SPDYE16: variants seen among roughly 807,000 people sequenced by gnomAD.
SPDYE16 encodes the protein speedy/RINGO cell cycle regulator family member E16.
A neutral mutation model predicts 40.1 loss-of-function variants in SPDYE16; 5 were observed. That is an observed-to-expected ratio of 0.12 (90% CI 0.07 to 0.26). The LOEUF is 0.26. Among genes scored for constraint, SPDYE16 ranks in the 10% least tolerant of loss-of-function variants. SPDYE16 has a pLI of 1.00. For missense variants in SPDYE16, 98 were observed against 409.8 expected (o/e 0.24, Z 6.57); for synonymous variants, 40 against 154.2 (o/e 0.26, Z 5.49).
At chr7:76,540,763 C>G (rs1813156005) in intron 2 of SPDYE16, among the ~76,000 whole-genome samples, 1 of 122,284 alleles carries the variant, frequency 8.2e-6, no homozygotes, top group Non-Finnish European at 1.6e-5. Context: ...ATGCCCAGCT[C>G]AATTTTGTAC....
intron 1 of SPDYE16, among the ~76,000 whole-genome samples, chr7:76,542,089 A>ACAAGAGTGAGATTATCATGTG (rs1584290412): frequency 7.2e-6 from 1 of 139,616 alleles, no homozygotes; most frequent in Non-Finnish European, 1.7e-5. Context: ...ATTATCATGT[A>ACAAGAGTGAGATTATCATGTG]CAAGAGTGAG....
chr7:76,538,635 T>A lies in SPDYE16; in HGVS notation c.561A>T (p.Arg187=). The change falls in exon 4 of 9, where the codon CGA becomes CGT. Residue 187 remains arginine (R), a synonymous_variant. Transcript: ENST00000633306. ...CGLKMKLKRR[R]VSLVLPEHHE... ...GGTGCTCAGGGAGCACGAGCGACAC[T>A]CGCCGTCGCTTCAGCTTCATCTTGA... 1 of 1,048,004 alleles carries A rather than the reference T, an allele frequency of 9.5e-7. No homozygotes were observed. Among genetic ancestry groups the A allele is most frequent in the Non-Finnish European group, 1.3e-6 (1 of 794,872 alleles). The allele number at this position is 1,048,004 out of a possible 1,614,324, so 64.9% of individuals were successfully genotyped here.
chr7:76,542,045 G>A (rs552989403), intron 1 of SPDYE16, among the ~76,000 whole-genome samples, 165 bp from the exon 2 acceptor site: 2 of 151,370 alleles, frequency 1.3e-5, no homozygotes, highest in East Asian at 1.9e-4. Flanking sequence ...AGATTATCAT[G>A]TACAAGAGTG....
rs1356010025 is a variant in SPDYE16 at position 76,537,628 on chromosome 7, T to C, written c.611-77A>G. The C allele has an allele frequency of 7.7e-5, 70 of 909,856 alleles. 23 individuals carry two copies. In the Middle Eastern group the frequency reaches 2.0e-3, roughly 26 times the overall value. The allele number at this position is 909,856 out of a possible 1,614,324, so 56.4% of individuals were successfully genotyped here. On this transcript the variant is annotated intron_variant, in intron 4 of 8. Coordinates refer to ENST00000633306, the MANE Select transcript of SPDYE16 (RefSeq NM_001394943.1). ...GGAGCAGCAGGGCAGTGAGGAGAAG[T>C]GTGCCTCCCGGGGGGAAAGTCTCAG... is the stretch of plus-strand genomic sequence containing the variant.
At position 76,537,570 on chromosome 7, in the gene SPDYE16, T is replaced by G; in HGVS notation, c.611-19A>C. ...GGATCCTCTGTGATTAGAGAGCAGA[T>G]GTCAGTGTGAGAAGCAGGACAGGGT... On this transcript the variant is annotated intron_variant, in intron 4 of 8. Transcript: ENST00000633306. 1.3e-6 allele frequency: 1 copy of G among 757,752 alleles called. No individual in the cohort carries two copies. Among genetic ancestry groups the G allele is most frequent in the Non-Finnish European group, 1.9e-6 (1 of 536,550 alleles). The allele number at this position is 757,752 out of a possible 1,614,324, so 46.9% of individuals were successfully genotyped here. A position where few individuals can be genotyped will look rare whatever the true frequency, so the allele number is the denominator to read the frequency against.
rs878958088 is a variant in SPDYE16 at position 76,539,081 on chromosome 7, T to G, written c.380-265A>C. Among the ~76,000 whole-genome samples, 664 of 67,618 alleles carry G rather than the reference T, an allele frequency of 9.8e-3. 70 individuals carry two copies. The highest frequency in any genetic ancestry group is 0.056 in the South Asian group (94 of 1,668). 44.4% of individuals were successfully genotyped at this position (67,618 alleles called of 152,430 possible). On this transcript the variant is annotated intron_variant, in intron 3 of 8. Transcript: ENST00000633306. ...TCTGAGTCTCTCTTTTTTTTTTTTT[T>G]TTGTTGTTGTTGTTGAGAAACAGTC...
rs571611763 is a variant in SPDYE16 at position 76,541,136 on chromosome 7, G to A, written c.160+164C>T. Among the ~76,000 whole-genome samples the A allele has an allele frequency of 6.9e-3, 937 of 136,420 alleles. 22 individuals carry two copies. Among genetic ancestry groups the A allele is most frequent in the African/African-American group, 0.027 (899 of 32,774 alleles). The allele number at this position is 136,420 out of a possible 152,430, so 89.5% of individuals were successfully genotyped here. A position where few individuals can be genotyped will look rare whatever the true frequency, so the allele number is the denominator to read the frequency against. On this transcript the variant is annotated intron_variant, in intron 2 of 8. Coordinates refer to ENST00000633306, the MANE Select transcript of SPDYE16 (RefSeq NM_001394943.1). ...TTTTTATACTTTTAGTAGAGATGGGGTTTCACCATATTGGCCAGGCTGGCC... is the reference window on the plus strand; with the variant it reads ...TTTTTATACTTTTAGTAGAGATGGGATTTCACCATATTGGCCAGGCTGGCC...
Position 76,541,376 on chromosome 7 carries a change from A to G in SPDYE16, c.84T>C (p.Asn28=), listed in dbSNP as rs1813180029. 1 of 1,534,650 alleles carries G rather than the reference A, an allele frequency of 6.5e-7. No individual in the cohort carries two copies. Among genetic ancestry groups the G allele is most frequent in the Non-Finnish European group, 8.7e-7 (1 of 1,146,590 alleles). The change falls in exon 2 of 9, where the codon AAT becomes AAC. Residue 28 remains asparagine (N), a synonymous_variant. Coordinates refer to ENST00000633306, the MANE Select transcript of SPDYE16 (RefSeq NM_001394943.1). The part of the protein sequence containing the change: ...ITTSRQPHPQ[N]EQSPQRSTSG... ...AGGTGCTCCGCTGGGGACTCTGCTC[A>G]TTCTGGGGGTGAGGTTGACGGCTGG...
At position 76,541,684 on chromosome 7, in the gene SPDYE16, T is replaced by C. The variant is rs1271018338; in HGVS notation, c.-225A>G. ...AAAAAAACACATGTAACTGCCAGGC[T>C]GATCTCTTGTCCTGGAGATCCTGGG... On this transcript the variant is annotated 5_prime_UTR_variant, in exon 2 of 9. Coordinates refer to ENST00000633306, the MANE Select transcript of SPDYE16 (RefSeq NM_001394943.1). Among the ~76,000 whole-genome samples, 1,037 of 136,568 alleles carry C rather than the reference T, an allele frequency of 7.6e-3. No individual in the cohort carries two copies. The highest frequency in any genetic ancestry group is 0.033 in the African/African-American group (984 of 29,738). The allele number at this position is 136,568 out of a possible 152,430, so 89.6% of individuals were successfully genotyped here. A position where few individuals can be genotyped will look rare whatever the true frequency, so the allele number is the denominator to read the frequency against.
intron 4 of SPDYE16, among the ~76,000 whole-genome samples, 157 bp downstream of exon 4, chr7:76,538,429 T>C (rs1481894430): frequency 7.0e-6 from 1 of 143,112 alleles, no homozygotes; most frequent in Non-Finnish European, 1.5e-5. Context: ...CTTTATCATC[T>C]CCTAAGTGTC....
In SPDYE16 at chr7:76,536,589, G is replaced by C. The variant is rs1412093666; in HGVS notation, c.670-332C>G. On this transcript the variant is annotated intron_variant, in intron 5 of 8. Coordinates refer to ENST00000633306, the MANE Select transcript of SPDYE16 (RefSeq NM_001394943.1). Reference sequence around the variant, plus strand: ...GTCCCGAAGAGCTGAGAGTAGAGGGGCTAGGAGCTTCAGGGCTGCGGCCAG... The same window carrying C: ...GTCCCGAAGAGCTGAGAGTAGAGGGCCTAGGAGCTTCAGGGCTGCGGCCAG... 6.5e-4 allele frequency among the ~76,000 whole-genome samples: 68 copies of C among 104,990 alleles called. 1 individual carries two copies. The East Asian group carries it at 0.015, about 23-fold the overall frequency. 68.9% of individuals were successfully genotyped at this position (104,990 alleles called of 152,430 possible). A position where few individuals can be genotyped will look rare whatever the true frequency, so the allele number is the denominator to read the frequency against.
chr7:76,541,267 C>T, intron 2 of SPDYE16, 33 bp downstream of exon 2: 1 of 1,532,448 alleles, frequency 6.5e-7, no homozygotes. Context: ...TTAGTCAATC[C>T]TATCCCACCT....
chr7:76,537,966 T>G lies in SPDYE16; in HGVS notation c.611-415A>C, dbSNP rs1205193430. The stretch of plus-strand genomic sequence containing the variant: ...GAAAAGTCAGTAAGAGACTTTAAGT[T>G]TCAGAGGGCACAGCTGAAACCACTT... On this transcript the variant is annotated intron_variant, in intron 4 of 8. Coordinates refer to ENST00000633306, the MANE Select transcript of SPDYE16 (RefSeq NM_001394943.1). Among the ~76,000 whole-genome samples, 2 of 80,830 alleles carry G rather than the reference T, an allele frequency of 2.5e-5. 1 individual carries two copies. The highest frequency in any genetic ancestry group is 2.3e-4 in the Admixed American group (2 of 8,666). The allele number at this position is 80,830 out of a possible 152,430, so 53.0% of individuals were successfully genotyped here. A position where few individuals can be genotyped will look rare whatever the true frequency, so the allele number is the denominator to read the frequency against.
intron 1 of SPDYE16, among the ~76,000 whole-genome samples, chr7:76,542,104 TCATGTA>T (rs1480417847): frequency 6.6e-6 from 1 of 152,066 alleles, no homozygotes; most frequent in Admixed American, 6.5e-5. Context: ...AGTGAGATTA[TCATGTA>T]CAAGAGATCC....
At position 76,543,169 on chromosome 7, in the gene SPDYE16, AAAG is replaced by A. The variant is rs1322011703; in HGVS notation, c.-422+4_-422+6del. ...AGCAAAACTCCATCTCAAAAAAAATAAAGAACCTGCGAGTGAGTTCCCACACGT... is the reference window on the plus strand; with the variant it reads ...AGCAAAACTCCATCTCAAAAAAAATAAACCTGCGAGTGAGTTCCCACACGT... On this transcript the variant is annotated splice_donor_5th_base_variant and intron_variant, in intron 1 of 8. Transcript: ENST00000633306. Among the ~76,000 whole-genome samples the A allele has an allele frequency of 0.066, 8,571 of 128,928 alleles. 224 individuals are homozygous for A. The highest frequency in any genetic ancestry group is 0.16 in the Middle Eastern group (37 of 236). 84.6% of individuals were successfully genotyped at this position (128,928 alleles called of 152,430 possible).
At position 76,531,896 on chromosome 7, in the gene SPDYE16, C is replaced by A. The variant is rs1222448093; in HGVS notation, c.*944G>T. The A allele has an allele frequency of 8.7e-5, 7 of 80,344 alleles. 3 individuals are homozygous for A. The highest frequency in any genetic ancestry group is 4.8e-4 in the African/African-American group (7 of 14,566). 5.0% of individuals were successfully genotyped at this position (80,344 alleles called of 1,614,324 possible). A position where few individuals can be genotyped will look rare whatever the true frequency, so the allele number is the denominator to read the frequency against. On this transcript the variant is annotated 3_prime_UTR_variant, in exon 9 of 9. Coordinates refer to ENST00000633306, the MANE Select transcript of SPDYE16 (RefSeq NM_001394943.1). ...CTATACCCATGTTTTTCAAAATAAA[C>A]CAATAAATTAGATAGTATATATTAG...
chr7:76,542,026 A>G (rs370765984), intron 1 of SPDYE16, among the ~76,000 whole-genome samples, 146 bp from the exon 2 acceptor site: 131 of 119,932 alleles, frequency 1.1e-3, no homozygotes, highest in Non-Finnish European at 2.2e-3. Flanking sequence ...ATTATCATGT[A>G]CAAGAGTGAG....
intron 1 of SPDYE16, among the ~76,000 whole-genome samples, chr7:76,542,327 G>T (rs2116729222): frequency 6.6e-6 from 1 of 151,964 alleles, no homozygotes; most frequent in South Asian, 2.1e-4. Flanking sequence ...ATTTCCAATG[G>T]TGTCCCCAAT....
Position 76,543,292 on chromosome 7 carries a change from A to G in SPDYE16, c.-538T>C, listed in dbSNP as rs1456452768. On this transcript the variant is annotated 5_prime_UTR_variant, in exon 1 of 9. It removes an upstream start codon present in the reference 5' UTR. Coordinates refer to ENST00000633306, the MANE Select transcript of SPDYE16 (RefSeq NM_001394943.1). Reference sequence around the variant, plus strand: ...CAGATCCCATTGCTGTGGAAGTCCCATTGTTAGGAAGCTCTGCTTTTCTGG... The same window carrying G: ...CAGATCCCATTGCTGTGGAAGTCCCGTTGTTAGGAAGCTCTGCTTTTCTGG... Among the ~76,000 whole-genome samples, 1 of 150,100 alleles carries G rather than the reference A, an allele frequency of 6.7e-6. No individual in the cohort carries two copies. Among genetic ancestry groups the G allele is most frequent in the African/African-American group, 2.4e-5 (1 of 41,072 alleles).
Sources: gnomAD v4.1 joint callset for allele counts (sites outside exome capture counted in the v4.1 genomes callset) on GRCh38, gnomAD v4.1.1 for gene constraint, MANE v1.5 for transcripts, NCBI Gene and HGNC (gene_info 2026-07-23, HGNC 2026-07-21) for gene names.